The following LAMP5 variants were observed in gnomAD, a reference collection of about 807,000 sequenced individuals.
LAMP5 encodes the protein lysosome-associated membrane glycoprotein 5.
In LAMP5, 36 loss-of-function variants were observed where a neutral mutation model predicts 30.2. The observed-to-expected ratio is 1.19, with a 90% CI of 0.91 to 1.57. The LOEUF (loss-of-function observed/expected upper bound fraction) is 1.57. LAMP5 is among the 40% of genes most tolerant of loss of function. The pLI, the probability that LAMP5 is intolerant of heterozygous loss-of-function variation, is 0.00. For missense variants in LAMP5, 377 were observed against 354.9 expected (o/e 1.06, Z -0.50); for synonymous variants, 149 against 134.6 (o/e 1.11, Z -0.74).
intron 4 of LAMP5, among the ~76,000 whole-genome samples, chr20:9,516,694 A>G (rs567824949): frequency 6.6e-6 from 1 of 152,244 alleles, no homozygotes; most frequent in Admixed American, 6.5e-5. Context: ...GGAGAAGGGC[A>G]AAGCTGCATT....
At position 9,518,049 on chromosome 20, in the gene LAMP5, A is replaced by G. The variant is rs370533918; in HGVS notation, c.485A>G (p.His162Arg). The stretch of plus-strand genomic sequence containing the variant: ...TGGGCTCTTGCTGTAGCTGGGAAGC[A>G]CACAGCCAACTCGCACCACCTCTCT... ...HFKDAVSAGK[H>R]TANSHHLSAL... The change falls in exon 5 of 6, where the codon CAC becomes CGC. Residue 162 changes from histidine (H) to arginine (R), a missense_variant. Transcript: ENST00000246070. The G allele has an allele frequency of 2.5e-6, 4 of 1,613,264 alleles. No homozygotes were observed. The African/African-American group carries it at 4.0e-5, about 16-fold the overall frequency.
chr20:9,519,653 ACTT>A (rs1196456699), intron 5 of LAMP5, among the ~76,000 whole-genome samples: 1 of 152,250 alleles, frequency 6.6e-6, no homozygotes, highest in Admixed American at 6.5e-5. Context: ...GTATAATTTG[ACTT>A]CTTATGATTA....
chr20:9,523,493 C>A (rs927484096), intron 5 of LAMP5, among the ~76,000 whole-genome samples: 1 of 152,096 alleles, frequency 6.6e-6, no homozygotes, highest in African/African-American at 2.4e-5. Flanking sequence ...ATCTAGCAAC[C>A]AGCACCTAAG....
chr20:9,528,230 C>G (rs1247818523), intron 5 of LAMP5, among the ~76,000 whole-genome samples: 2 of 151,994 alleles, frequency 1.3e-5, no homozygotes, highest in Non-Finnish European at 2.9e-5. Context: ...TGTATTCACT[C>G]ACATGTAGGA....
chr20:9,527,758 C>T (rs2045123810), intron 5 of LAMP5, among the ~76,000 whole-genome samples: 1 of 152,144 alleles, frequency 6.6e-6, no homozygotes, highest in African/African-American at 2.4e-5. Context: ...ACTGTTTGAC[C>T]ACTAGAAGTT....
intron 5 of LAMP5, among the ~76,000 whole-genome samples, chr20:9,519,751 G>A (rs2045067207): frequency 6.6e-6 from 1 of 152,144 alleles, no homozygotes; most frequent in Non-Finnish European, 1.5e-5. Context: ...AAATGCTTTT[G>A]AGTTTATATG....
chr20:9,528,710 A>G lies in LAMP5; in HGVS notation c.665-932A>G, dbSNP rs1568946193. On this transcript the variant is annotated intron_variant, in intron 5 of 5. Transcript: ENST00000246070. ...TTGCAACCATGTAAACATCTCCTAGATCAAGATCTACAATATTTCCAACAC... is the reference window on the plus strand; with the variant it reads ...TTGCAACCATGTAAACATCTCCTAGGTCAAGATCTACAATATTTCCAACAC... 4.6e-5 allele frequency among the ~76,000 whole-genome samples: 7 copies of G among 152,206 alleles called. No homozygotes were observed. The South Asian group carries it at 1.4e-3, about 32-fold the overall frequency.
rs2045142240 is a variant in LAMP5 at position 9,530,319 on chromosome 20, T to C, written c.*499T>C. 1 of 152,980 alleles carries C rather than the reference T, an allele frequency of 6.5e-6. No homozygotes were observed. The highest frequency in any genetic ancestry group is 1.5e-5 in the Non-Finnish European group (1 of 68,298). The allele number at this position is 152,980 out of a possible 1,614,324, so 9.5% of individuals were successfully genotyped here. A position where few individuals can be genotyped will look rare whatever the true frequency, so the allele number is the denominator to read the frequency against. On this transcript the variant is annotated 3_prime_UTR_variant, in exon 6 of 6. Transcript: ENST00000246070. ...GACCCCTGAAAGTGATTCATGCTTC[T>C]GGCTGGCATTCTGCATGTTTAGTGA...
intron 5 of LAMP5, among the ~76,000 whole-genome samples, chr20:9,526,901 T>C (rs58243236): frequency 0.2 from 22,245 of 113,426 alleles, 2,606 homozygotes; most frequent in African/African-American, 0.34. Flanking sequence ...TATATATATA[T>C]ACACACACAT....
intron 4 of LAMP5, among the ~76,000 whole-genome samples, 195 bp from the exon 5 acceptor site, chr20:9,517,845 C>A (rs1000489403): frequency 6.6e-6 from 1 of 152,156 alleles, no homozygotes; most frequent in Non-Finnish European, 1.5e-5. Flanking sequence ...TTGAAAGAGC[C>A]CTGGCTCTCA....
chr20:9,526,058 A>G (rs2327183), intron 5 of LAMP5, among the ~76,000 whole-genome samples: 70,995 of 152,072 alleles, frequency 0.47, 20,407 homozygotes, highest in African/African-American at 0.82. Flanking sequence ...AAGGGAAGAG[A>G]CAGAGGCTAG....
chr20:9,522,948 T>G (rs891641082), intron 5 of LAMP5, among the ~76,000 whole-genome samples: 1 of 152,016 alleles, frequency 6.6e-6, no homozygotes, highest in Non-Finnish European at 1.5e-5. Flanking sequence ...CACTTATAAT[T>G]TTTTTCTTCT....
intron 5 of LAMP5, among the ~76,000 whole-genome samples, chr20:9,526,870 A>G (rs1368317628): frequency 0.019 from 1,867 of 98,646 alleles, 52 homozygotes; most frequent in African/African-American, 0.077. Context: ...GTATATATAT[A>G]TATATATATA....
At chr20:9,525,314 A>G (rs1395299814) in intron 5 of LAMP5, among the ~76,000 whole-genome samples, 2 of 152,250 alleles carry the variant, frequency 1.3e-5, no homozygotes, top group African/African-American at 4.8e-5. Context: ...TAAGACTTCT[A>G]TCTTTATAGT....
chr20:9,525,440 C>A (rs898336737), intron 5 of LAMP5, among the ~76,000 whole-genome samples: 5 of 152,118 alleles, frequency 3.3e-5, no homozygotes, highest in Non-Finnish European at 5.9e-5. Flanking sequence ...TTACAGGAAA[C>A]TGAAGCTTAG....
chr20:9,526,853 T>C (rs2045115827), intron 5 of LAMP5, among the ~76,000 whole-genome samples: 2 of 86,372 alleles, frequency 2.3e-5, no homozygotes, highest in Admixed American at 1.2e-4. Flanking sequence ...TACATATGTG[T>C]GTGTGTGTAT....
At chr20:9,527,994 A>C (rs1220986779) in intron 5 of LAMP5, among the ~76,000 whole-genome samples, 1 of 152,214 alleles carries the variant, frequency 6.6e-6, no homozygotes, top group African/African-American at 2.4e-5. Context: ...CATATATTAC[A>C]TGCACCCTTA....
chr20:9,518,302 C>T (rs908411203), intron 5 of LAMP5, 74 bp downstream of exon 5: 1 of 1,340,036 alleles, frequency 7.5e-7, no homozygotes, highest in Non-Finnish European at 1.1e-6. Flanking sequence ...CCTACCAGGG[C>T]CCCAGGATGT....
intron 2 of LAMP5, 21 bp downstream of exon 2, chr20:9,515,646 C>A (rs75102532): frequency 1.9e-6 from 3 of 1,610,980 alleles, no homozygotes; most frequent in Admixed American, 1.7e-5. Context: ...TTTCCCCCCC[C>A]TCAGCTTGCT....
Sources: gnomAD v4.1 joint callset for allele counts (sites outside exome capture counted in the v4.1 genomes callset) on GRCh38, gnomAD v4.1.1 for gene constraint, MANE v1.5 for transcripts, NCBI Gene and HGNC (gene_info 2026-07-23, HGNC 2026-07-21) for gene names.